Variants in ZFR observed in about 807,000 individuals in gnomAD.
The protein encoded by ZFR is zinc finger RNA binding protein, also known as zinc finger RNA-binding protein.
ZFR carries 19 observed loss-of-function variants against 130.7 expected under a neutral mutation model. The ratio of observed to expected loss-of-function variants is 0.15; its 90% CI spans 0.10 to 0.21. The LOEUF (loss-of-function observed/expected upper bound fraction) is 0.21, where lower values mean the gene tolerates loss of function less well. ZFR is among the 10% of genes least tolerant of loss of function. ZFR has a pLI of 1.00. For synonymous variants in ZFR, 466 were observed against 456.9 expected, an observed-to-expected ratio of 1.02 and a Z score of -0.25; for missense variants, 872 against 1,321.5, an observed-to-expected ratio of 0.66 and a Z score of 5.27.
At position 32,388,536 on chromosome 5, in the gene ZFR, T is replaced by C. The variant is rs1330384458; in HGVS notation, c.2281A>G (p.Ser761Gly). Reference sequence around the variant, plus strand: ...TTGTTCTTCTCATGTTCAGACAAACTGTCTGAAACGAGTTTTAAAGCACGT... The same window carrying C: ...TTGTTCTTCTCATGTTCAGACAAACCGTCTGAAACGAGTTTTAAAGCACGT... The part of the protein sequence containing the change: ...TERALKLVSD[S>G]LSEHEKNKNK... The change falls in exon 13 of 20, where the codon AGT becomes GGT. Residue 761 changes from serine to glycine, a missense_variant. By Grantham distance (56) the Ser-to-Gly change is moderately conservative. This residue lies in a region of ZFR where 225 missense variants were observed against 282.4 expected (regional missense o/e 0.80). Coordinates refer to ENST00000265069, the MANE Select transcript of ZFR (RefSeq NM_016107.5). 18 of 1,614,068 alleles carry C rather than the reference T, an allele frequency of 1.1e-5. No individual in the cohort carries two copies. The highest frequency in any genetic ancestry group is 1.4e-5 in the Non-Finnish European group (17 of 1,179,948).
chr5:32,361,052 C>T (rs1468791044), intron 19 of ZFR, among the ~76,000 whole-genome samples: 2 of 152,202 alleles, frequency 1.3e-5, no homozygotes, highest in Non-Finnish European at 2.9e-5. Context: ...TGGGCTCAAC[C>T]AATCCTCTTG....
intron 2 of ZFR, among the ~76,000 whole-genome samples, chr5:32,440,546 C>T (rs1468722138): frequency 6.6e-6 from 1 of 151,946 alleles, no homozygotes; most frequent in East Asian, 1.9e-4. Context: ...ACTCAGGAGG[C>T]TGAGGCAGGA....
intron 19 of ZFR, among the ~76,000 whole-genome samples, chr5:32,359,304 C>T (rs1354908351): frequency 2.1e-5 from 3 of 140,998 alleles, no homozygotes; most frequent in Non-Finnish European, 3.0e-5. Flanking sequence ...GATTTTTTTG[C>T]GATTTTTTTT....
intron 17 of ZFR, among the ~76,000 whole-genome samples, chr5:32,367,228 G>GT (rs1752566551): frequency 6.6e-6 from 1 of 151,990 alleles, no homozygotes; most frequent in Non-Finnish European, 1.5e-5. Flanking sequence ...GACGTGAGGA[G>GT]TTTGAGACCA....
chr5:32,438,385 T>G (rs1754390189), intron 2 of ZFR, among the ~76,000 whole-genome samples: 1 of 149,636 alleles, frequency 6.7e-6, no homozygotes, highest in Non-Finnish European at 1.5e-5. Context: ...TGCCTCAGCC[T>G]CCCGAGTAGC....
intron 5 of ZFR, among the ~76,000 whole-genome samples, chr5:32,411,413 G>A (rs572432755): frequency 6.6e-6 from 1 of 152,170 alleles, no homozygotes; most frequent in East Asian, 1.9e-4. Flanking sequence ...TCGGAGGCAG[G>A]TGCGGTGGCT....
intron 2 of ZFR, among the ~76,000 whole-genome samples, chr5:32,424,354 A>C (rs555284563): frequency 1.3e-5 from 2 of 152,266 alleles, no homozygotes; most frequent in South Asian, 4.1e-4. Context: ...CCACGGTGAA[A>C]GCCCGTCTCT....
At chr5:32,380,718 A>G (rs1752917897) in intron 15 of ZFR, among the ~76,000 whole-genome samples, 1 of 142,582 alleles carries the variant, frequency 7.0e-6, no homozygotes, top group South Asian at 2.2e-4. Flanking sequence ...GCACGATCTC[A>G]GATCACTGCA....
At chr5:32,370,369 GGC>G in intron 17 of ZFR, among the ~76,000 whole-genome samples, 2 of 149,128 alleles carry the variant, frequency 1.3e-5, no homozygotes. Flanking sequence ...CAGACAGACA[GGC>G]AGGCAGACAG....
intron 17 of ZFR, among the ~76,000 whole-genome samples, chr5:32,366,348 C>T (rs1409505567): frequency 6.6e-6 from 1 of 152,184 alleles, no homozygotes; most frequent in Non-Finnish European, 1.5e-5. Context: ...AGCTACAGTT[C>T]AGGTACGTCA....
At chr5:32,382,119 T>C (rs537670492) in intron 15 of ZFR, among the ~76,000 whole-genome samples, 53 of 152,164 alleles carry the variant, frequency 3.5e-4, no homozygotes, top group African/African-American at 1.3e-3. Context: ...CCGGCCAACA[T>C]GGTGAAACTC....
intron 17 of ZFR, among the ~76,000 whole-genome samples, chr5:32,377,864 G>A (rs1236134452): frequency 6.6e-6 from 1 of 151,930 alleles, no homozygotes; most frequent in Admixed American, 6.6e-5. Context: ...GCTAATTGTT[G>A]TATTATTAGT....
chr5:32,368,206 C>T (rs534249973), intron 17 of ZFR, among the ~76,000 whole-genome samples: 5 of 149,918 alleles, frequency 3.3e-5, no homozygotes, highest in African/African-American at 1.2e-4. Flanking sequence ...TAAAATCTTC[C>T]TTTAAAGCAC....
At chr5:32,418,454 T>C (rs1269784939) in intron 3 of ZFR, among the ~76,000 whole-genome samples, 1 of 152,180 alleles carries the variant, frequency 6.6e-6, no homozygotes, top group East Asian at 1.9e-4. Flanking sequence ...CTAAACTTTG[T>C]AATTGCTCCT....
At chr5:32,360,741 G>A (rs533666333) in intron 19 of ZFR, among the ~76,000 whole-genome samples, 1 of 152,242 alleles carries the variant, frequency 6.6e-6, no homozygotes, top group East Asian at 1.9e-4. Flanking sequence ...ACTTACTGAG[G>A]AGCTGCTAAC....
At chr5:32,365,788 T>TG (rs1013133020) in intron 17 of ZFR, among the ~76,000 whole-genome samples, 5 of 152,048 alleles carry the variant, frequency 3.3e-5, no homozygotes, top group African/African-American at 1.2e-4. Context: ...TTTGTAGAGA[T>TG]GGGGTCTCAC....
intron 17 of ZFR, among the ~76,000 whole-genome samples, chr5:32,377,215 TCTCTCTCTCTCTCTCTCTC>T (rs1366255737): frequency 3.8e-5 from 3 of 78,596 alleles, no homozygotes; most frequent in South Asian, 4.8e-4. Flanking sequence ...TATTTCTCTT[TCTCTCTCTCTCTCTCTCTC>T]CTCTCTCTCT....
chr5:32,403,093 T>C lies in ZFR; in HGVS notation c.1516+13A>G. 3 of 1,611,520 alleles carry C rather than the reference T, an allele frequency of 1.9e-6. No homozygotes were observed. The highest frequency in any genetic ancestry group is 2.5e-6 in the Non-Finnish European group (3 of 1,178,478). On this transcript the variant is annotated intron_variant, in intron 8 of 19. Transcript: ENST00000265069. ...TGACAGAGTCAGCAGGGACAGAGAA[T>C]ATCAGTACTTGCCAACAAAATTTAT...
At chr5:32,441,037 G>A (rs951085086) in intron 2 of ZFR, among the ~76,000 whole-genome samples, 2 of 152,130 alleles carry the variant, frequency 1.3e-5, no homozygotes, top group African/African-American at 2.4e-5. Flanking sequence ...GTAATCGCGC[G>A]ATCTTGGCTC....
Sources: gnomAD v4.1 joint callset for allele counts (sites outside exome capture counted in the v4.1 genomes callset) on GRCh38, gnomAD v4.1.1 for gene constraint, gnomAD v4.1.1 regional missense constraint, MANE v1.5 for transcripts, NCBI Gene and HGNC (gene_info 2026-07-23, HGNC 2026-07-21) for gene names.